BMP2K: variants seen among roughly 807,000 people sequenced by gnomAD.
BMP2K encodes the protein BMP-2-inducible protein kinase.
Under a neutral mutation model 116.0 loss-of-function variants are expected in BMP2K, and 74 were observed. The observed-to-expected ratio is 0.64, with a 90% CI of 0.53 to 0.77. The LOEUF is 0.77. BMP2K is among the 30% of genes least tolerant of loss of function. The pLI is 0.00. For synonymous variants in BMP2K, 486 were observed against 502.5 expected, an observed-to-expected ratio of 0.97 and a Z score of 0.44; for missense variants, 1,365 against 1,403.6, an observed-to-expected ratio of 0.97 and a Z score of 0.44.
intron 1 of BMP2K, among the ~76,000 whole-genome samples, chr4:78,789,499 G>A (rs903533210): frequency 2.6e-5 from 4 of 152,082 alleles, no homozygotes; most frequent in African/African-American, 4.8e-5. Flanking sequence ...AAGGGACCTC[G>A]GGACTTTTAA....
intron 10 of BMP2K, among the ~76,000 whole-genome samples, chr4:78,867,975 A>C (rs999048411): frequency 1.1e-4 from 16 of 152,194 alleles, no homozygotes; most frequent in Non-Finnish European, 2.9e-5. Flanking sequence ...CACAAGAGTC[A>C]CTTGAACCCA....
intron 1 of BMP2K, among the ~76,000 whole-genome samples, chr4:78,789,855 G>A (rs1397749362): frequency 3.3e-5 from 5 of 152,330 alleles, no homozygotes; most frequent in African/African-American, 1.2e-4. Flanking sequence ...CCTGTAGGGA[G>A]AAAGGTAAAA....
At chr4:78,777,766 C>T (rs952382717) in intron 1 of BMP2K, among the ~76,000 whole-genome samples, 6 of 152,106 alleles carry the variant, frequency 3.9e-5, no homozygotes, top group Admixed American at 3.3e-4. Flanking sequence ...ACTGAGATTC[C>T]GCTTGTATTT....
chr4:78,890,242 A>G (rs1212739736), intron 15 of BMP2K, among the ~76,000 whole-genome samples: 2 of 152,088 alleles, frequency 1.3e-5, no homozygotes, highest in Non-Finnish European at 2.9e-5. Flanking sequence ...CCTTAGAGGT[A>G]ATTTTTCACT....
rs1761127530 is a variant in BMP2K, at chr4:78,805,613, A to AATATT, written c.179-20424_179-20423insATATT. Among the ~76,000 whole-genome samples, 3 of 152,278 alleles carry AATATT rather than the reference A, an allele frequency of 2.0e-5. No individual in the cohort carries two copies. In the South Asian group the frequency reaches 6.2e-4, roughly 32 times the overall value. On this transcript the variant is annotated intron_variant, in intron 1 of 15. Transcript: ENST00000502613. ...TACTAAATATTTTATTATTTCTGATACCTTTGTCAATAGAAGTGTTTTCTT... is the reference window on the plus strand; with the variant it reads ...TACTAAATATTTTATTATTTCTGATAATATTCCTTTGTCAATAGAAGTGTTTTCTT...
chr4:78,884,655 A>G (rs1322496856), intron 14 of BMP2K, among the ~76,000 whole-genome samples: 2 of 152,116 alleles, frequency 1.3e-5, no homozygotes, highest in South Asian at 2.1e-4. Flanking sequence ...TGCTTTATAC[A>G]CTGGAATTTG....
intron 9 of BMP2K, among the ~76,000 whole-genome samples, chr4:78,863,381 G>C (rs1029406703): frequency 1.3e-5 from 2 of 152,086 alleles, no homozygotes; most frequent in Non-Finnish European, 2.9e-5. Context: ...GCGCCTGTGG[G>C]TTTCTCAGCT....
chr4:78,833,500 A>G (rs17434286), intron 2 of BMP2K, 82 bp from the exon 3 acceptor site: 39,227 of 911,638 alleles, frequency 0.043, 1,044 homozygotes, highest in Non-Finnish European at 0.054. Context: ...AATTCTTTAC[A>G]TTAATTTAGG....
intron 7 of BMP2K, chr4:78,859,381 T>C: frequency 2.1e-5 from 8 of 382,976 alleles, no homozygotes; most frequent in South Asian, 1.7e-4. Flanking sequence ...GTTCTGTGAT[T>C]GATCTACCCT....
At chr4:78,907,775 C>T (rs1327165335) in intron 15 of BMP2K, among the ~76,000 whole-genome samples, 3 of 152,050 alleles carry the variant, frequency 2.0e-5, no homozygotes, top group Non-Finnish European at 4.4e-5. Context: ...TGTCTTGGTT[C>T]TTGTTAGGGA....
chr4:78,913,650 T>C lies in BMP2K; in HGVS notation c.*1617T>C, dbSNP rs896462933. On this transcript the variant is annotated 3_prime_UTR_variant, in exon 16 of 16. Transcript: ENST00000502613. ...TTAGGAATCTCTTATAGTGCCCCAATGGGATAAGCTATTTGCCTATTTTCA... is the reference window on the plus strand; with the variant it reads ...TTAGGAATCTCTTATAGTGCCCCAACGGGATAAGCTATTTGCCTATTTTCA... The C allele has an allele frequency of 2.6e-5, 4 of 152,172 alleles. No homozygotes were observed. The highest frequency in any genetic ancestry group is 9.6e-5 in the African/African-American group (4 of 41,462). 9.4% of individuals were successfully genotyped at this position (152,172 alleles called of 1,614,324 possible). A position where few individuals can be genotyped will look rare whatever the true frequency, so the allele number is the denominator to read the frequency against.
At chr4:78,907,836 G>C (rs1734364304) in intron 15 of BMP2K, among the ~76,000 whole-genome samples, 1 of 152,122 alleles carries the variant, frequency 6.6e-6, no homozygotes, top group Admixed American at 6.6e-5. Context: ...TTACTTGGAG[G>C]TGTCCGTGAG....
intron 15 of BMP2K, among the ~76,000 whole-genome samples, chr4:78,903,783 T>A (rs1183641018): frequency 6.6e-6 from 1 of 151,914 alleles, no homozygotes. Flanking sequence ...TGGGCATGGT[T>A]TTTTAGTGAT....
chr4:78,909,018 C>T (rs1734428644), intron 15 of BMP2K, among the ~76,000 whole-genome samples: 1 of 149,796 alleles, frequency 6.7e-6, no homozygotes. Flanking sequence ...ACTATAATTT[C>T]CTTTTGCCTG....
In BMP2K at chr4:78,911,352, T is replaced by C. The variant is rs769821644; in HGVS notation, c.2805T>C (p.Thr935=). 2 of 1,613,928 alleles carry C rather than the reference T, an allele frequency of 1.2e-6. No homozygotes were observed. ...AAAGTGTAGATGTATTTGGCTCCAC[T>C]CCATTTCAGCCCTTCCTCACATCAA... ...YPKSVDVFGS[T]PFQPFLTSTS... is the part of the protein sequence containing the mutation. The change falls in exon 16 of 16, where the codon ACT becomes ACC. Residue 935 remains threonine, a synonymous_variant. Coordinates refer to ENST00000502613, the MANE Select transcript of BMP2K (RefSeq NM_198892.2).
intron 1 of BMP2K, among the ~76,000 whole-genome samples, chr4:78,778,694 T>G (rs1727360871): frequency 6.6e-6 from 1 of 152,214 alleles, no homozygotes; most frequent in African/African-American, 2.4e-5. Context: ...ATGCTTAATA[T>G]CCCCTCTCCC....
At chr4:78,842,350 A>C in intron 3 of BMP2K, 35 bp from the exon 4 acceptor site, 4 of 1,529,196 alleles carry the variant, frequency 2.6e-6, no homozygotes, top group South Asian at 1.2e-5. Flanking sequence ...TTATTTATTA[A>C]AAATATGTCC....
chr4:78,872,632 G>T lies in BMP2K; in HGVS notation c.1627G>T (p.Ala543Ser), dbSNP rs753986680. Residue 543 changes from alanine to serine, a missense_variant, in exon 13 of 16, where the codon GCT becomes TCT. By Grantham distance (99) the Ala-to-Ser change is moderately conservative (BLOSUM62 1). Transcript: ENST00000502613. ...TTTTCAGATGCCGCAGTATCAGCAG[G>T]CTTTCTTTCAACAGCAGATGCTAGC... Reference protein sequence around the residue: ...YPTMMPQYQQAFFQQQMLAQH... With the variant: ...YPTMMPQYQQSFFQQQMLAQH... 21 of 1,613,788 alleles carry T rather than the reference G, an allele frequency of 1.3e-5. No individual in the cohort carries two copies. Among genetic ancestry groups the T allele is most frequent in the Non-Finnish European group, 1.7e-5 (20 of 1,179,930 alleles).
At position 78,864,047 on chromosome 4, in the gene BMP2K, A is replaced by T. The variant is rs1247551755; in HGVS notation, c.1068-1510A>T. Among the ~76,000 whole-genome samples, 12 of 152,130 alleles carry T rather than the reference A, an allele frequency of 7.9e-5. 1 individual carries two copies. On this transcript the variant is annotated intron_variant, in intron 9 of 15. Coordinates refer to ENST00000502613, the MANE Select transcript of BMP2K (RefSeq NM_198892.2). ...AGGGTGTTATGCAGTGTTTTGCTGG[A>T]TATCAGTAAATGTACAATACATATT...
Sources: gnomAD v4.1 joint callset for allele counts (sites outside exome capture counted in the v4.1 genomes callset) on GRCh38, gnomAD v4.1.1 for gene constraint, MANE v1.5 for transcripts, NCBI Gene and HGNC (gene_info 2026-07-23, HGNC 2026-07-21) for gene names.